Variants in FRMD5 observed in about 807,000 individuals in gnomAD.
FRMD5 encodes FERM domain-containing protein 5.
In FRMD5, 20 loss-of-function variants were observed where a neutral mutation model predicts 69.0. The observed-to-expected ratio is 0.29, with a 90% CI of 0.20 to 0.42. The LOEUF (loss-of-function observed/expected upper bound fraction) is 0.42. Among genes scored for constraint, FRMD5 ranks in the 10% least tolerant of loss-of-function variants. FRMD5 has a pLI of 1.00. For missense variants in FRMD5, 595 were observed against 708.6 expected (o/e 0.84, Z 1.82); for synonymous variants, 271 against 260.1 (o/e 1.04, Z -0.40).
intron 1 of FRMD5, among the ~76,000 whole-genome samples, chr15:44,017,414 ATCT>A (rs1891015762): frequency 6.6e-6 from 1 of 151,874 alleles, no homozygotes; most frequent in Non-Finnish European, 1.5e-5. Flanking sequence ...GAGATCATGT[ATCT>A]GCCAGTATTT....
chr15:44,094,046 T>A (rs1371569173), intron 1 of FRMD5, among the ~76,000 whole-genome samples: 2 of 152,252 alleles, frequency 1.3e-5, no homozygotes, highest in East Asian at 1.9e-4. Flanking sequence ...CAGAAACATA[T>A]GGACTCTGGC....
intron 1 of FRMD5, among the ~76,000 whole-genome samples, chr15:44,181,618 T>A (rs756094005): frequency 7.2e-5 from 11 of 152,154 alleles, no homozygotes; most frequent in Non-Finnish European, 1.3e-4. Flanking sequence ...AAAGTCATCA[T>A]AAGCTGGGCA....
chr15:43,921,811 C>T (rs1235291801), intron 2 of FRMD5, among the ~76,000 whole-genome samples: 2 of 152,182 alleles, frequency 1.3e-5, no homozygotes, highest in Non-Finnish European at 2.9e-5. Context: ...GGCCCTGGGC[C>T]CGAGTCAGGC....
intron 1 of FRMD5, among the ~76,000 whole-genome samples, chr15:43,982,941 C>CT (rs1566878648): frequency 1.0e-5 from 1 of 98,286 alleles, no homozygotes; most frequent in East Asian, 3.1e-4. Context: ...TTTTTCCAAT[C>CT]TTTTTTTGAG....
chr15:44,120,288 G>T (rs2076928640), intron 1 of FRMD5, among the ~76,000 whole-genome samples: 1 of 152,214 alleles, frequency 6.6e-6, no homozygotes, highest in African/African-American at 2.4e-5. Context: ...GAGGCAGGAA[G>T]ATTAGGTAAG....
chr15:44,156,909 T>C (rs572736002), intron 1 of FRMD5, among the ~76,000 whole-genome samples: 10 of 152,122 alleles, frequency 6.6e-5, no homozygotes, highest in Non-Finnish European at 1.2e-4. Context: ...CCAAAATATA[T>C]ATATATAAAA....
chr15:43,972,364 G>A (rs552536999), intron 1 of FRMD5, among the ~76,000 whole-genome samples: 1 of 152,070 alleles, frequency 6.6e-6, no homozygotes. Flanking sequence ...GAATTTGTTT[G>A]CTTGGATTTT....
At chr15:44,095,497 G>T (rs938520359) in intron 1 of FRMD5, among the ~76,000 whole-genome samples, 1 of 152,078 alleles carries the variant, frequency 6.6e-6, no homozygotes, top group African/African-American at 2.4e-5. Flanking sequence ...GAGCCAACAC[G>T]CCTGGCTTGA....
Position 43,960,066 on chromosome 15 carries a change from C to A in FRMD5, c.103-35757G>T, listed in dbSNP as rs533713964. 5.9e-4 allele frequency among the ~76,000 whole-genome samples: 90 copies of A among 151,350 alleles called. 1 individual carries two copies. Among genetic ancestry groups the A allele is most frequent in the African/African-American group, 2.2e-3 (90 of 41,268 alleles). ...CCAAGTAGCTGGGATTACAGACATG[C>A]GCCACCATGCCCAGCTAATTTTGTT... On this transcript the variant is annotated intron_variant, in intron 1 of 13. Coordinates refer to ENST00000417257, the MANE Select transcript of FRMD5 (RefSeq NM_032892.5).
Position 44,093,194 on chromosome 15 carries a change from C to T in FRMD5, c.102+101759G>A, listed in dbSNP as rs140170842. On this transcript the variant is annotated intron_variant, in intron 1 of 13. Transcript: ENST00000417257. The stretch of plus-strand genomic sequence containing the variant: ...ATCCACCCACCTCAACCTCCCAAAG[C>T]GCTGGTATTATGGGCGTGAGCCACC... Among the ~76,000 whole-genome samples, 1,222 of 152,088 alleles carry T rather than the reference C, an allele frequency of 8.0e-3. 18 individuals are homozygous for T. Among genetic ancestry groups the T allele is most frequent in the African/African-American group, 0.028 (1,163 of 41,496 alleles).
At chr15:44,020,480 A>G (rs1390186274) in intron 1 of FRMD5, among the ~76,000 whole-genome samples, 1 of 152,208 alleles carries the variant, frequency 6.6e-6, no homozygotes, top group Non-Finnish European at 1.5e-5. Context: ...CTTACTCAGT[A>G]GTGTGTTTGT....
intron 7 of FRMD5, among the ~76,000 whole-genome samples, chr15:43,893,746 G>C (rs892881074): frequency 6.6e-6 from 1 of 152,098 alleles, no homozygotes; most frequent in Non-Finnish European, 1.5e-5. Flanking sequence ...TGGCTCTCCT[G>C]GCCTCTCTGC....
At chr15:44,068,435 T>C (rs1205596086) in intron 1 of FRMD5, among the ~76,000 whole-genome samples, 2 of 152,172 alleles carry the variant, frequency 1.3e-5, no homozygotes, top group Non-Finnish European at 2.9e-5. Context: ...CATTAATACA[T>C]GCTGCAGTAT....
intron 13 of FRMD5, among the ~76,000 whole-genome samples, chr15:43,880,606 C>G (rs1275980949): frequency 6.6e-6 from 1 of 152,246 alleles, no homozygotes; most frequent in African/African-American, 2.4e-5. Flanking sequence ...CACCCTGAGC[C>G]TGTGAGGTTC....
chr15:44,054,234 T>G (rs937413380), intron 1 of FRMD5, among the ~76,000 whole-genome samples: 1 of 152,224 alleles, frequency 6.6e-6, no homozygotes, highest in Non-Finnish European at 1.5e-5. Flanking sequence ...TATTTCATTT[T>G]CCTAATCATT....
chr15:43,989,428 T>C (rs1889560200), intron 1 of FRMD5: 1 of 790,658 alleles, frequency 1.3e-6, no homozygotes, highest in African/African-American at 1.7e-5. Context: ...GCAGAACTGC[T>C]TTTGCCGATG....
intron 1 of FRMD5, among the ~76,000 whole-genome samples, chr15:44,051,709 T>C (rs1199316172): frequency 6.6e-6 from 1 of 152,174 alleles, no homozygotes; most frequent in Non-Finnish European, 1.5e-5. Context: ...CTTGTTTTTT[T>C]ATGATCTTGA....
intron 1 of FRMD5, among the ~76,000 whole-genome samples, chr15:44,176,044 T>G: frequency 6.6e-6 from 1 of 152,116 alleles, no homozygotes; most frequent in East Asian, 1.9e-4. Context: ...ATTCTAAAAT[T>G]CATATGGAAA....
chr15:43,917,484 G>C (rs150290396), intron 4 of FRMD5, among the ~76,000 whole-genome samples: 2 of 152,126 alleles, frequency 1.3e-5, no homozygotes, highest in African/African-American at 2.4e-5. Context: ...TCCACCTCAC[G>C]GGTTCAAGTG....
Sources: allele counts gnomAD v4.1 joint callset (sites outside exome capture counted in the v4.1 genomes callset), GRCh38; gene constraint gnomAD v4.1.1; transcripts MANE v1.5; gene names NCBI Gene and HGNC (gene_info 2026-07-23, HGNC 2026-07-21).